Variants in FAM83A observed in about 807,000 individuals in gnomAD.
The protein encoded by FAM83A is scaffolding CK1 anchoring protein A, also known as protein FAM83A.
Under a neutral mutation model 24.4 loss-of-function variants are expected in FAM83A, and 21 were observed. That is an observed-to-expected ratio of 0.86 (90% CI 0.61 to 1.24). FAM83A has a LOEUF of 1.24. FAM83A is among the 50% of genes most tolerant of loss of function. The pLI is 0.00. For synonymous variants in FAM83A, 270 were observed against 252.4 expected, an observed-to-expected ratio of 1.07 and a Z score of -0.66; for missense variants, 617 against 579.8, an observed-to-expected ratio of 1.06 and a Z score of -0.66.
chr8:123,194,154 C>G lies in FAM83A; in HGVS notation c.773+6C>G, dbSNP rs7813460. ...GTCCTGTCTGGATCTTACAGGTGAG[C>G]CTTGGATTCATCTCCTGTCAAGGAT... On this transcript the variant is annotated splice_donor_region_variant and intron_variant, in intron 3 of 3. Transcript: ENST00000690554. 314,481 of 1,613,094 alleles carry G rather than the reference C, an allele frequency of 0.19. 31,474 individuals are homozygous for G. Among genetic ancestry groups the G allele is most frequent in the Admixed American group, 0.23 (14,007 of 59,980 alleles).
Position 123,194,013 on chromosome 8 carries a change from C to T in FAM83A, c.649-11C>T. 6.2e-7 allele frequency: 1 copy of T among 1,614,010 alleles called. No individual in the cohort carries two copies. The highest frequency in any genetic ancestry group is 8.5e-7 in the Non-Finnish European group (1 of 1,179,950). On this transcript the variant is annotated splice_polypyrimidine_tract_variant and intron_variant, in intron 2 of 3. Transcript: ENST00000690554. ...AATTAGGAAGTGACACCTTGACTTTCCCTCCAACAGAACATTTCCATCCGG... is the reference window on the plus strand; with the variant it reads ...AATTAGGAAGTGACACCTTGACTTTTCCTCCAACAGAACATTTCCATCCGG...
chr8:123,183,088 C>T (rs781262497), exon 1 of FAM83A: 2 of 1,613,780 alleles, frequency 1.2e-6, no homozygotes, highest in East Asian at 2.2e-5. Context: ...GGCCAGGGAG[C>T]CCCCGTGTCC....
intron 3 of FAM83A, chr8:123,202,174 GAAC>G (rs376630508): frequency 7.9e-5 from 12 of 152,490 alleles, no homozygotes; most frequent in East Asian, 3.9e-4. Context: ...CTGCTCCTAG[GAAC>G]AACAACAACA....
intron 1 of FAM83A, among the ~76,000 whole-genome samples, chr8:123,183,558 C>T (rs1458464449): frequency 1.3e-5 from 2 of 152,166 alleles, no homozygotes; most frequent in African/African-American, 2.4e-5. Context: ...CTGGAACTCC[C>T]GCAATCGCTT....
rs555313592 is a variant in FAM83A at position 123,197,345 on chromosome 8, C to CT, written c.773+3198dup. On this transcript the variant is annotated intron_variant, in intron 3 of 3. Coordinates refer to ENST00000690554, the Ensembl canonical transcript of FAM83A. ...CTTCCTTCCCAGCTTGCCTTGAGGT[C>CT]TGGAATGTCCTTCATAGCACCGAGG... Among the ~76,000 whole-genome samples, 951 of 152,344 alleles carry CT rather than the reference C, an allele frequency of 6.2e-3. 5 individuals carry two copies. Among genetic ancestry groups the CT allele is most frequent in the Non-Finnish European group, 0.011 (764 of 68,022 alleles).
At chr8:123,200,013 C>T (rs1475056898) in intron 3 of FAM83A, 2 of 153,976 alleles carry the variant, frequency 1.3e-5, no homozygotes, top group Non-Finnish European at 2.9e-5. Flanking sequence ...GTTCATCTCT[C>T]CCTGTCTTAT....
At chr8:123,204,989 T>C (rs1824491511) in intron 3 of FAM83A, among the ~76,000 whole-genome samples, 1 of 151,700 alleles carries the variant, frequency 6.6e-6, no homozygotes. Context: ...GGTGGGCACC[T>C]GTAATCCCAG....
chr8:123,209,976 C>T lies in FAM83A; in HGVS notation c.*2288C>T. 5.2e-6 allele frequency: 1 copy of T among 193,110 alleles called. No individual in the cohort carries two copies. Among genetic ancestry groups the T allele is most frequent in the Non-Finnish European group, 1.1e-5 (1 of 91,754 alleles). 12.0% of individuals were successfully genotyped at this position (193,110 alleles called of 1,614,324 possible). A position where few individuals can be genotyped will look rare whatever the true frequency, so the allele number is the denominator to read the frequency against. On this transcript the variant is annotated 3_prime_UTR_variant, in exon 4 of 4. Transcript: ENST00000690554. The surrounding 1 kb of genome is among the most constrained non-coding windows in gnomAD (Gnocchi z 4.7). ...GCTCTCCAGTTGAAACCCTCCTCTGCCAGCCTGGGGTCCTAAGCGATGAGC... is the reference window on the plus strand; with the variant it reads ...GCTCTCCAGTTGAAACCCTCCTCTGTCAGCCTGGGGTCCTAAGCGATGAGC...
chr8:123,190,555 G>T (rs750894095), intron 1 of FAM83A, among the ~76,000 whole-genome samples: 1 of 152,000 alleles, frequency 6.6e-6, no homozygotes. Flanking sequence ...GTGAGCCACC[G>T]CGCCCGGCAG....
Position 123,209,269 on chromosome 8 carries a change from T to C in FAM83A, c.*1581T>C. The C allele has an allele frequency of 7.7e-7, 1 of 1,291,994 alleles. No individual in the cohort carries two copies. The highest frequency in any genetic ancestry group is 9.7e-7 in the Non-Finnish European group (1 of 1,027,334). The allele number at this position is 1,291,994 out of a possible 1,614,324, so 80.0% of individuals were successfully genotyped here. A position where few individuals can be genotyped will look rare whatever the true frequency, so the allele number is the denominator to read the frequency against. On this transcript the variant is annotated 3_prime_UTR_variant, in exon 4 of 4. Transcript: ENST00000690554. The surrounding 1 kb of genome is among the most constrained non-coding windows in gnomAD (Gnocchi z 4.7). ...TGGTGGCCTCTGACCCCTGACGGCC[T>C]GTGGCATCCTCCCTAGTCCCCTCTG...
At chr8:123,180,729 A>G (rs1317377454), upstream of FAM83A, 1 of 152,470 alleles carries the variant, frequency 6.6e-6, no homozygotes, top group African/African-American at 2.4e-5. Flanking sequence ...TCCAGAAGCA[A>G]GAGTTGGCAA....
chr8:123,199,460 C>T (rs1427288077), intron 3 of FAM83A, among the ~76,000 whole-genome samples: 1 of 152,070 alleles, frequency 6.6e-6, no homozygotes, highest in Non-Finnish European at 1.5e-5. Flanking sequence ...ATTGACCAGG[C>T]GCGGTGGCTC....
At chr8:123,190,474 AGGCT>A (rs1397520287) in intron 1 of FAM83A, among the ~76,000 whole-genome samples, 3 of 151,118 alleles carry the variant, frequency 2.0e-5, no homozygotes, top group Non-Finnish European at 4.4e-5. Context: ...CATGTTGATC[AGGCT>A]GGTCTCGAGC....
chr8:123,199,853 G>A (rs969623083), intron 3 of FAM83A: 1 of 154,048 alleles, frequency 6.5e-6, no homozygotes, highest in African/African-American at 2.4e-5. Context: ...CCTTCTGCAG[G>A]GTTTGTTAGA....
At chr8:123,202,959 C>G (rs1193022659) in intron 3 of FAM83A, among the ~76,000 whole-genome samples, 3 of 151,912 alleles carry the variant, frequency 2.0e-5, no homozygotes, top group Non-Finnish European at 2.9e-5. Flanking sequence ...CTGCAGTAAT[C>G]AAGACAATGT....
exon 4 of FAM83A, chr8:123,207,917 AGGGAGGTTGTG>A: frequency 8.0e-7 from 1 of 1,245,860 alleles, no homozygotes; most frequent in Admixed American, 4.0e-5. Flanking sequence ...AGAAGGTTCC[AGGGAGGTTGTG>A]GGGCAGCTAG....
At chr8:123,191,415 T>C (rs1290672244) in intron 1 of FAM83A, among the ~76,000 whole-genome samples, 1 of 152,184 alleles carries the variant, frequency 6.6e-6, no homozygotes, top group African/African-American at 2.4e-5. Flanking sequence ...GCCCTCTAGC[T>C]CCAAGTGGCT....
chr8:123,195,572 C>G (rs1824120039), intron 3 of FAM83A, among the ~76,000 whole-genome samples: 1 of 152,168 alleles, frequency 6.6e-6, no homozygotes, highest in African/African-American at 2.4e-5. Flanking sequence ...TAATAAAATC[C>G]CATAGACTGG....
intron 3 of FAM83A, among the ~76,000 whole-genome samples, chr8:123,200,984 T>TAC (rs1824337158): frequency 3.4e-5 from 5 of 146,630 alleles, no homozygotes; most frequent in Admixed American, 6.8e-5. Flanking sequence ...TATATATATA[T>TAC]ACACATATAT....
Sources: gnomAD v4.1 joint callset for allele counts (sites outside exome capture counted in the v4.1 genomes callset) on GRCh38, gnomAD v4.1.1 for gene constraint, Gnocchi (gnomAD v3.1) non-coding constraint, MANE v1.5 for transcripts, NCBI Gene and HGNC (gene_info 2026-07-23, HGNC 2026-07-21) for gene names.